Variants in TENM3 observed in about 807,000 individuals in gnomAD.
TENM3 encodes the protein teneurin-3.
TENM3 carries 63 observed loss-of-function variants against 255.1 expected under a neutral mutation model. That is an observed-to-expected ratio of 0.25 (90% CI 0.20 to 0.30). The LOEUF is 0.30. TENM3 is among the 10% of genes least tolerant of loss of function. The pLI, the probability that TENM3 is intolerant of heterozygous loss-of-function variation, is 1.00. For missense variants in TENM3, 2,929 were observed against 3,461.1 expected, an observed-to-expected ratio of 0.85 and a Z score of 3.86; for synonymous variants, 1,306 against 1,322.3, an observed-to-expected ratio of 0.99 and a Z score of 0.27.
At chr4:182,512,462 G>T (rs781007291) in intron 3 of TENM3, among the ~76,000 whole-genome samples, 10 of 152,216 alleles carry the variant, frequency 6.6e-5, no homozygotes, top group Non-Finnish European at 1.2e-4. Context: ...TAATATTTCA[G>T]GGTTTATTTA....
chr4:181,868,470 G>A, the TENM3 span, among the ~76,000 whole-genome samples: 1 of 152,044 alleles, frequency 6.6e-6, no homozygotes, highest in African/African-American at 2.4e-5. Context: ...CAACTAATTG[G>A]CATTATCTCA....
chr4:182,200,781 A>G (rs773308203), intron 1 of TENM3, among the ~76,000 whole-genome samples: 3 of 151,888 alleles, frequency 2.0e-5, no homozygotes, highest in Non-Finnish European at 4.4e-5. Context: ...CGTTCATACA[A>G]ACAGAACCAG....
the TENM3 span, among the ~76,000 whole-genome samples, chr4:181,969,614 A>G: frequency 2.0e-5 from 3 of 152,238 alleles, no homozygotes; most frequent in African/African-American, 7.2e-5. Flanking sequence ...ACAAATGCAA[A>G]TGAGTTCAGG....
intron 3 of TENM3, among the ~76,000 whole-genome samples, chr4:182,378,833 A>G (rs1190524621): frequency 6.6e-6 from 1 of 152,222 alleles, no homozygotes; most frequent in Non-Finnish European, 1.5e-5. Context: ...GACATGATCC[A>G]ACTTGCCTAA....
chr4:182,325,826 T>A (rs1262231461), intron 2 of TENM3, among the ~76,000 whole-genome samples: 3 of 152,138 alleles, frequency 2.0e-5, no homozygotes, highest in African/African-American at 7.2e-5. Flanking sequence ...TGTGGCGAGA[T>A]GCACTGGGGG....
At chr4:182,427,416 C>A (rs1374672207) in intron 3 of TENM3, among the ~76,000 whole-genome samples, 1 of 152,152 alleles carries the variant, frequency 6.6e-6, no homozygotes, top group Non-Finnish European at 1.5e-5. Flanking sequence ...AGCAAGGAAG[C>A]TGGATTCCCC....
At chr4:182,263,592 T>TC (rs34797818) in intron 1 of TENM3, among the ~76,000 whole-genome samples, 271 of 151,502 alleles carry the variant, frequency 1.8e-3, no homozygotes, top group Middle Eastern at 3.4e-3. Flanking sequence ...CATGGGCAAT[T>TC]CCCCCCCCTA....
intron 3 of TENM3, among the ~76,000 whole-genome samples, chr4:182,563,930 C>T (rs1016775125): frequency 2.0e-5 from 3 of 152,162 alleles, no homozygotes; most frequent in African/African-American, 7.2e-5. Flanking sequence ...CTCTTCCATG[C>T]AGGTCTTCAT....
chr4:182,008,526 G>A, the TENM3 span, among the ~76,000 whole-genome samples: 223 of 151,572 alleles, frequency 1.5e-3, 1 homozygote, highest in South Asian at 7.9e-3. Context: ...TGGTCTATTC[G>A]ACTGTTGATA....
At chr4:181,924,311 T>G in the TENM3 span, among the ~76,000 whole-genome samples, 1 of 152,216 alleles carries the variant, frequency 6.6e-6, no homozygotes, top group African/African-American at 2.4e-5. Flanking sequence ...ATGCTGCTGA[T>G]GGACCTTTGA....
intron 1 of TENM3, among the ~76,000 whole-genome samples, chr4:182,178,849 A>G (rs1192848671): frequency 3.9e-5 from 6 of 152,222 alleles, no homozygotes; most frequent in Non-Finnish European, 8.8e-5. Flanking sequence ...TAAACAGGTG[A>G]TGCAGTTATG....
At chr4:181,729,890 G>T in the TENM3 span, among the ~76,000 whole-genome samples, 1 of 152,210 alleles carries the variant, frequency 6.6e-6, no homozygotes, top group Non-Finnish European at 1.5e-5. Context: ...GCCACACGAT[G>T]TCTGAGAGAA....
At chr4:182,473,110 A>G (rs1733292822) in intron 3 of TENM3, among the ~76,000 whole-genome samples, 2 of 152,196 alleles carry the variant, frequency 1.3e-5, no homozygotes, top group African/African-American at 4.8e-5. Flanking sequence ...TGAAATTTGT[A>G]TTTTCATTCC....
chr4:181,516,005 C>T, the TENM3 span, among the ~76,000 whole-genome samples: 2 of 152,270 alleles, frequency 1.3e-5, no homozygotes, highest in East Asian at 3.9e-4. Context: ...TCATGGAATA[C>T]TATGCAGCCA....
chr4:181,748,451 C>T, the TENM3 span, among the ~76,000 whole-genome samples: 17 of 152,052 alleles, frequency 1.1e-4, no homozygotes, highest in African/African-American at 3.9e-4. Context: ...ATATTAAACA[C>T]TCAAATGCCA....
the TENM3 span, among the ~76,000 whole-genome samples, chr4:181,895,220 A>G: frequency 2.0e-5 from 3 of 152,090 alleles, no homozygotes; most frequent in Non-Finnish European, 4.4e-5. Context: ...ATGTGTTTGT[A>G]TTGTGTAAGT....
chr4:182,087,230 T>C, the TENM3 span, among the ~76,000 whole-genome samples: 4 of 152,214 alleles, frequency 2.6e-5, no homozygotes, highest in African/African-American at 7.2e-5. Context: ...CACTTACTAA[T>C]TAAAAGAAGG....
At chr4:182,001,803 T>C in the TENM3 span, among the ~76,000 whole-genome samples, 1 of 152,222 alleles carries the variant, frequency 6.6e-6, no homozygotes, top group African/African-American at 2.4e-5. Flanking sequence ...AAAATGGCCT[T>C]TTTTCTAAGA....
chr4:181,550,403 T>G, the TENM3 span, among the ~76,000 whole-genome samples: 4 of 152,232 alleles, frequency 2.6e-5, no homozygotes, highest in African/African-American at 9.6e-5. Flanking sequence ...CTAGCATCTC[T>G]GTAATGGAAT....
Sources: gnomAD v4.1 joint callset for allele counts (sites outside exome capture counted in the v4.1 genomes callset) on GRCh38, gnomAD v4.1.1 for gene constraint, MANE v1.5 for transcripts, NCBI Gene and HGNC (gene_info 2026-07-23, HGNC 2026-07-21) for gene names.